The following MRPS6 variants were observed in gnomAD, a reference collection of about 807,000 sequenced individuals.
The protein encoded by MRPS6 is mitochondrial ribosomal protein S6.
A neutral mutation model predicts 13.1 loss-of-function variants in MRPS6; 6 were observed. The observed-to-expected ratio is 0.46, with a 90% confidence interval of 0.25 to 0.91. The LOEUF (loss-of-function observed/expected upper bound fraction) is 0.91, where lower values mean the gene tolerates loss of function less well. Among genes scored for constraint, MRPS6 ranks in the 40% least tolerant of loss-of-function variants. The probability of loss-of-function intolerance (pLI) is 0.18; values close to 1 mark genes in which losing one functional copy is unlikely to be tolerated. For missense variants in MRPS6, 164 were observed against 155.6 expected (o/e 1.05, Z -0.29); for synonymous variants, 61 against 56.5 (o/e 1.08, Z -0.36).
chr21:34,116,042 C>G (rs373028364), intron 1 of MRPS6, among the ~76,000 whole-genome samples: 19 of 152,012 alleles, frequency 1.2e-4, no homozygotes, highest in African/African-American at 4.3e-4. Context: ...GGGTTTCACT[C>G]TGTTACCCAG....
intron 1 of MRPS6, chr21:34,104,243 A>G (rs1323584659): frequency 1.2e-5 from 12 of 999,978 alleles, no homozygotes; most frequent in African/African-American, 3.5e-5. Flanking sequence ...GCTTTTCACA[A>G]TGGGGTGGAG....
chr21:34,095,237 G>A, intron 1 of MRPS6: 1 of 1,613,596 alleles, frequency 6.2e-7, no homozygotes, highest in East Asian at 2.2e-5. Flanking sequence ...TTGCCATAGT[G>A]GCCCTGTATT....
chr21:34,081,302 C>G (rs554457006), intron 1 of MRPS6, among the ~76,000 whole-genome samples: 1 of 152,132 alleles, frequency 6.6e-6, no homozygotes, highest in Non-Finnish European at 1.5e-5. Context: ...ATTCCATTCT[C>G]CAAGTGCTTG....
chr21:34,084,230 C>T (rs1283166965), intron 1 of MRPS6, among the ~76,000 whole-genome samples: 1 of 152,004 alleles, frequency 6.6e-6, no homozygotes, highest in Non-Finnish European at 1.5e-5. Context: ...ATTTCTGAAT[C>T]TTCTATTTAT....
chr21:34,082,747 T>C (rs1006179233), intron 1 of MRPS6, among the ~76,000 whole-genome samples: 2 of 152,054 alleles, frequency 1.3e-5, no homozygotes, highest in African/African-American at 2.4e-5. Flanking sequence ...GTCTTTTTTT[T>C]CACTCCCACT....
chr21:34,136,295 G>A (rs962663188), intron 2 of MRPS6, among the ~76,000 whole-genome samples: 51 of 152,152 alleles, frequency 3.4e-4, no homozygotes, highest in African/African-American at 1.2e-3. Flanking sequence ...TTACAGGCAC[G>A]TGCCACCATG....
At chr21:34,130,964 T>C (rs1602963947) in intron 2 of MRPS6, among the ~76,000 whole-genome samples, 1 of 152,150 alleles carries the variant, frequency 6.6e-6, no homozygotes. Flanking sequence ...TTCAAGGCAA[T>C]GTTGGTGCTT....
chr21:34,111,072 A>G (rs1979678888), intron 1 of MRPS6, among the ~76,000 whole-genome samples: 1 of 152,198 alleles, frequency 6.6e-6, no homozygotes, highest in Admixed American at 6.5e-5. Flanking sequence ...AACAAGGGCG[A>G]AACATTGCCT....
intron 1 of MRPS6, chr21:34,123,871 G>C (rs1344601000): frequency 1.3e-5 from 2 of 152,006 alleles, no homozygotes; most frequent in Non-Finnish European, 2.9e-5. Context: ...GCTTTTTCTT[G>C]ATCTCTGTCC....
chr21:34,121,711 T>C (rs1980127017), intron 1 of MRPS6, among the ~76,000 whole-genome samples: 1 of 152,228 alleles, frequency 6.6e-6, no homozygotes. Flanking sequence ...GGCAGCAAGA[T>C]CATTTGTTTC....
intron 1 of MRPS6, among the ~76,000 whole-genome samples, chr21:34,075,598 GGAGA>G (rs1176401126): frequency 2.6e-5 from 4 of 152,204 alleles, no homozygotes; most frequent in Admixed American, 2.0e-4. Flanking sequence ...ACTGCCTCTT[GGAGA>G]AAGAGGCCCC....
At chr21:34,106,905 A>T (rs1979501138) in intron 1 of MRPS6, among the ~76,000 whole-genome samples, 1 of 150,012 alleles carries the variant, frequency 6.7e-6, no homozygotes, top group Non-Finnish European at 1.5e-5. Flanking sequence ...TACTTCTTGG[A>T]TTTTGTCTTT....
At chr21:34,084,332 G>A (rs1486236833) in intron 1 of MRPS6, among the ~76,000 whole-genome samples, 2 of 152,108 alleles carry the variant, frequency 1.3e-5, no homozygotes, top group Non-Finnish European at 2.9e-5. Context: ...GAGCAGAAGC[G>A]ATTTCCTTCT....
intron 1 of MRPS6, chr21:34,106,309 G>C (rs1271010456): frequency 8.2e-6 from 3 of 365,798 alleles, no homozygotes. Context: ...ACAATGTAGT[G>C]TTCTGGGTCT....
At chr21:34,130,194 TGA>T (rs1290092110) in intron 2 of MRPS6, among the ~76,000 whole-genome samples, 2 of 139,344 alleles carry the variant, frequency 1.4e-5, no homozygotes, top group South Asian at 4.9e-4. Context: ...AAGGGGAGGG[TGA>T]GAGAGAGACA....
chr21:34,100,519 G>A, intron 1 of MRPS6: 2 of 1,000,136 alleles, frequency 2.0e-6, no homozygotes, highest in Non-Finnish European at 2.4e-6. Context: ...ATCTCCTAGG[G>A]CTTCCTTTTC....
At chr21:34,098,636 T>A in intron 1 of MRPS6, 1 of 1,000,308 alleles carries the variant, frequency 1.0e-6, no homozygotes, top group Non-Finnish European at 1.2e-6. Flanking sequence ...ATGGATAGCA[T>A]GTTTGAGAGG....
chr21:34,127,304 A>G (rs559652165), intron 2 of MRPS6, among the ~76,000 whole-genome samples: 1 of 152,164 alleles, frequency 6.6e-6, no homozygotes, highest in African/African-American at 2.4e-5. Context: ...TCTGGTATTT[A>G]TTTGTTAAAG....
chr21:34,077,131 A>G (rs1486018280), intron 1 of MRPS6, among the ~76,000 whole-genome samples: 1 of 152,208 alleles, frequency 6.6e-6, no homozygotes, highest in Admixed American at 6.5e-5. Context: ...CTCTCTTGTG[A>G]GTGGGAAAAT....
Sources: gnomAD v4.1 joint callset for allele counts (sites outside exome capture counted in the v4.1 genomes callset) on GRCh38, gnomAD v4.1.1 for gene constraint, MANE v1.5 for transcripts, NCBI Gene and HGNC (gene_info 2026-07-23, HGNC 2026-07-21) for gene names.